Variants in CWF19L2 observed in about 807,000 individuals in gnomAD.
CWF19L2 encodes the protein CWF19 like cell cycle control factor 2, also known as CWF19-like protein 2.
In CWF19L2, 98 loss-of-function variants were observed where a neutral mutation model predicts 111.7. The observed-to-expected ratio is 0.88, with a 90% confidence interval of 0.75 to 1.04. The LOEUF (loss-of-function observed/expected upper bound fraction) is 1.04. CWF19L2 is among the 50% of genes least tolerant of loss of function. The pLI is 0.00. For synonymous variants in CWF19L2, 351 were observed against 342.9 expected, an observed-to-expected ratio of 1.02 and a Z score of -0.26; for missense variants, 1,101 against 1,051.4, an observed-to-expected ratio of 1.05 and a Z score of -0.65.
In CWF19L2 at chr11:107,434,154, A is replaced by T. The variant is rs181187407; in HGVS notation, c.665-405T>A. 8.8e-4 allele frequency among the ~76,000 whole-genome samples: 133 copies of T among 151,970 alleles called. 2 individuals are homozygous for T. In the East Asian group the frequency reaches 0.024, roughly 27 times the overall value. The stretch of plus-strand genomic sequence containing the variant: ...AATGAGTTGGGTTTCTATTTCAAAC[A>T]GGCAAGGGTAGGGAGGACATTCCAA... On this transcript the variant is annotated intron_variant, in intron 6 of 17. Coordinates refer to ENST00000282251, the MANE Select transcript of CWF19L2 (RefSeq NM_152434.3).
At chr11:107,455,822 T>C (rs752856929) in intron 1 of CWF19L2, 46 bp from the exon 2 acceptor site, 22 of 1,194,666 alleles carry the variant, frequency 1.8e-5, no homozygotes, top group Non-Finnish European at 2.6e-5. Flanking sequence ...TTGACCCAAC[T>C]GGGTTTCACA....
At chr11:107,361,919 C>T (rs1289458796) in intron 12 of CWF19L2, among the ~76,000 whole-genome samples, 1 of 152,152 alleles carries the variant, frequency 6.6e-6, no homozygotes, top group Non-Finnish European at 1.5e-5. Flanking sequence ...GTACCGGGTT[C>T]ATCTCACTAG....
chr11:107,397,048 T>C (rs1330245771), intron 10 of CWF19L2, among the ~76,000 whole-genome samples: 1 of 152,070 alleles, frequency 6.6e-6, no homozygotes, highest in African/African-American at 2.4e-5. Context: ...CGTTCCTGCC[T>C]GGCACCACAG....
intron 12 of CWF19L2, among the ~76,000 whole-genome samples, chr11:107,383,216 T>C (rs1458781669): frequency 1.3e-5 from 2 of 152,184 alleles, no homozygotes; most frequent in African/African-American, 2.4e-5. Flanking sequence ...TCAGAAGTTC[T>C]GGAAGCCCAG....
rs564660307 is a variant in CWF19L2, at chr11:107,434,009, A to C, written c.665-260T>G. ...CTATAAGAAAATTGCAATCTAAGAG[A>C]ATAAGAATAAAAGGACATAATTAAT... On this transcript the variant is annotated intron_variant, in intron 6 of 17. Coordinates refer to ENST00000282251, the MANE Select transcript of CWF19L2 (RefSeq NM_152434.3). 2.7e-5 allele frequency among the ~76,000 whole-genome samples: 4 copies of C among 150,458 alleles called. No individual in the cohort carries two copies. In the East Asian group the frequency reaches 7.8e-4, roughly 29 times the overall value.
intron 12 of CWF19L2, 42 bp from the exon 13 acceptor site, chr11:107,353,778 G>A (rs963845188): frequency 1.3e-6 from 2 of 1,522,624 alleles, no homozygotes; most frequent in African/African-American, 2.7e-5. Context: ...AGAAGGTAGT[G>A]ATTAAGATTT....
At chr11:107,426,724 G>GT (rs1172587364) in intron 8 of CWF19L2, among the ~76,000 whole-genome samples, 1 of 151,412 alleles carries the variant, frequency 6.6e-6, no homozygotes, top group African/African-American at 2.4e-5. Flanking sequence ...ATTTTGAATG[G>GT]TATATGCATT....
chr11:107,397,440 T>C (rs1378095379), intron 10 of CWF19L2, among the ~76,000 whole-genome samples: 5 of 152,114 alleles, frequency 3.3e-5, no homozygotes, highest in East Asian at 1.9e-4. Flanking sequence ...GAGGCAGCCA[T>C]AATCCTAATA....
At chr11:107,449,702 T>G (rs1348497717) in intron 3 of CWF19L2, among the ~76,000 whole-genome samples, 3 of 151,568 alleles carry the variant, frequency 2.0e-5, no homozygotes, top group South Asian at 4.2e-4. Flanking sequence ...TAAAAATAAA[T>G]AAGGTATACC....
intron 10 of CWF19L2, among the ~76,000 whole-genome samples, chr11:107,409,121 C>G (rs1264194309): frequency 6.7e-6 from 1 of 150,312 alleles, no homozygotes; most frequent in African/African-American, 2.4e-5. Flanking sequence ...CACAGTCTAA[C>G]AGTTCACATA....
At chr11:107,383,504 CT>C (rs1350433242) in intron 12 of CWF19L2, among the ~76,000 whole-genome samples, 1 of 152,042 alleles carries the variant, frequency 6.6e-6, no homozygotes. Context: ...GTATTCCCCT[CT>C]TTTCATTAAT....
At chr11:107,342,110 C>T (rs951152917) in intron 14 of CWF19L2, among the ~76,000 whole-genome samples, 4 of 151,762 alleles carry the variant, frequency 2.6e-5, no homozygotes, top group African/African-American at 7.2e-5. Flanking sequence ...TTTGGATGTA[C>T]TTTGCTCTTC....
At chr11:107,338,506 G>A (rs1388857755) in intron 14 of CWF19L2, among the ~76,000 whole-genome samples, 7 of 151,956 alleles carry the variant, frequency 4.6e-5, no homozygotes, top group Non-Finnish European at 8.8e-5. Flanking sequence ...AGATCATCCC[G>A]TTACCTAGGT....
At chr11:107,392,978 A>G (rs1354342834) in intron 10 of CWF19L2, 83 bp from the exon 11 acceptor site, 1 of 865,384 alleles carries the variant, frequency 1.2e-6, no homozygotes, top group African/African-American at 1.8e-5. Context: ...AAAGCATTAA[A>G]ATGATTAACG....
At chr11:107,407,511 G>A (rs1177574367) in intron 10 of CWF19L2, among the ~76,000 whole-genome samples, 1 of 151,996 alleles carries the variant, frequency 6.6e-6, no homozygotes, top group East Asian at 1.9e-4. Context: ...TTCATATGCA[G>A]TAATATTTCA....
chr11:107,425,530 C>T (rs1056240303), intron 8 of CWF19L2, among the ~76,000 whole-genome samples: 5 of 151,892 alleles, frequency 3.3e-5, no homozygotes, highest in South Asian at 4.1e-4. Context: ...GTACACACTA[C>T]GCTGTCCACA....
At position 107,371,334 on chromosome 11, in the gene CWF19L2, T is replaced by C. The variant is rs1860507542; in HGVS notation, c.1873-17598A>G. Among the ~76,000 whole-genome samples the C allele has an allele frequency of 1.5e-5, 2 of 137,776 alleles. 1 individual carries two copies. The highest frequency in any genetic ancestry group is 5.8e-5 in the African/African-American group (2 of 34,608). The allele number at this position is 137,776 out of a possible 152,430, so 90.4% of individuals were successfully genotyped here. On this transcript the variant is annotated intron_variant, in intron 12 of 17. Transcript: ENST00000282251. Reference sequence around the variant, plus strand: ...TTCTATCTTTAGTGTTAATGGGTCATGCATATTATGCCAAGATGTAAAAAA... The same window carrying C: ...TTCTATCTTTAGTGTTAATGGGTCACGCATATTATGCCAAGATGTAAAAAA...
rs140800142 is a variant in CWF19L2 at position 107,369,853 on chromosome 11, C to T, written c.1873-16117G>A. Among the ~76,000 whole-genome samples the T allele has an allele frequency of 1.2e-4, 17 of 138,410 alleles. 4 individuals are homozygous for T. The highest frequency in any genetic ancestry group is 3.7e-3 in the Middle Eastern group (1 of 270). 90.8% of individuals were successfully genotyped at this position (138,410 alleles called of 152,430 possible). A position where few individuals can be genotyped will look rare whatever the true frequency, so the allele number is the denominator to read the frequency against. ...TTAGTCTTCACCTTATGTATTTACA[C>T]TACATGAAATATAATATTACCTAGT... is the stretch of plus-strand genomic sequence containing the variant. On this transcript the variant is annotated intron_variant, in intron 12 of 17. Transcript: ENST00000282251.
At chr11:107,448,834 C>T (rs565518357) in intron 3 of CWF19L2, among the ~76,000 whole-genome samples, 7 of 152,194 alleles carry the variant, frequency 4.6e-5, no homozygotes, top group South Asian at 2.1e-4. Flanking sequence ...AGTCTACCAG[C>T]GCCTCGATCT....
Sources: allele counts gnomAD v4.1 joint callset (sites outside exome capture counted in the v4.1 genomes callset), GRCh38; gene constraint gnomAD v4.1.1; transcripts MANE v1.5; gene names NCBI Gene and HGNC (gene_info 2026-07-23, HGNC 2026-07-21).